TFB1M: variants seen among roughly 807,000 people sequenced by gnomAD.
TFB1M encodes the protein dimethyladenosine transferase 1, mitochondrial.
A neutral mutation model predicts 31.1 loss-of-function variants in TFB1M; 27 were observed. The observed-to-expected ratio is 0.87, with a 90% CI of 0.64 to 1.20. The LOEUF (loss-of-function observed/expected upper bound fraction) is 1.20. Ranked by LOEUF, TFB1M falls within the 50% of genes most tolerant of loss-of-function variation. The probability of loss-of-function intolerance (pLI) is 0.00; values close to 1 mark genes in which losing one functional copy is unlikely to be tolerated. For synonymous variants in TFB1M, 166 were observed against 151.8 expected, an observed-to-expected ratio of 1.09 and a Z score of -0.69; for missense variants, 394 against 418.7, an observed-to-expected ratio of 0.94 and a Z score of 0.51.
intron 5 of TFB1M, among the ~76,000 whole-genome samples, chr6:155,266,764 G>A (rs986082700): frequency 2.7e-5 from 4 of 149,588 alleles, no homozygotes; most frequent in South Asian, 2.1e-4. Flanking sequence ...GGAGAATGGC[G>A]TGAGCCTGGG....
chr6:155,248,594 AG>A, the TFB1M span, among the ~76,000 whole-genome samples: 4 of 152,250 alleles, frequency 2.6e-5, no homozygotes, highest in African/African-American at 9.6e-5. Context: ...TTGTTGGGTG[AG>A]GCTCCACCTT....
the TFB1M span, chr6:155,249,791 G>GT: frequency 7.0e-7 from 1 of 1,422,262 alleles, no homozygotes; most frequent in Non-Finnish European, 9.7e-7. Flanking sequence ...CATTATTACT[G>GT]TTGGATAGAA....
intron 2 of TFB1M, among the ~76,000 whole-genome samples, chr6:155,307,797 T>TA (rs1391403281): frequency 2.6e-5 from 4 of 151,362 alleles, no homozygotes; most frequent in East Asian, 1.9e-4. Context: ...CAGATGAGCT[T>TA]AAAAAAAATG....
At chr6:155,258,149 T>C in intron 6 of TFB1M, 67 bp from the exon 7 acceptor site, 1 of 1,577,866 alleles carries the variant, frequency 6.3e-7, no homozygotes, top group Non-Finnish European at 8.7e-7. Flanking sequence ...ATGACACTTT[T>C]TAACCCTCAT....
At chr6:155,241,345 GC>G in the TFB1M span, among the ~76,000 whole-genome samples, 1 of 152,188 alleles carries the variant, frequency 6.6e-6, no homozygotes, top group East Asian at 1.9e-4. Flanking sequence ...GTTTCCTGGA[GC>G]TTTGGTACCA....
At chr6:155,307,815 A>G (rs1777850396) in intron 2 of TFB1M, among the ~76,000 whole-genome samples, 1 of 152,026 alleles carries the variant, frequency 6.6e-6, no homozygotes, top group Non-Finnish European at 1.5e-5. Flanking sequence ...ATGCAAAACA[A>G]ATTTCATAAT....
At chr6:155,245,576 C>A in the TFB1M span, 1 of 1,465,274 alleles carries the variant, frequency 6.8e-7, no homozygotes, top group Non-Finnish European at 9.6e-7. Context: ...AGCCAGCACG[C>A]ATTGATTAAA....
At position 155,285,116 on chromosome 6, in the gene TFB1M, GTCCTAA is replaced by G. The variant is rs1367175469; in HGVS notation, c.666+36_666+41del. 1.3e-5 allele frequency: 21 copies of G among 1,611,304 alleles called. No homozygotes were observed. The Admixed American group carries it at 3.5e-4, about 27-fold the overall frequency. ...ATGACACATCCTCAGGGGAACAAAC[GTCCTAA>G]TTCCGATATACTACAACAAATAAGC... On this transcript the variant is annotated intron_variant, in intron 5 of 6. Transcript: ENST00000367166.
rs1165557788 is a variant in TFB1M, at chr6:155,311,232, G to A, written c.241C>T (p.Leu81Phe). 1.2e-6 allele frequency: 2 copies of A among 1,614,014 alleles called. No individual in the cohort carries two copies. The highest frequency in any genetic ancestry group is 1.7e-6 in the Non-Finnish European group (2 of 1,179,990). The change falls in exon 2 of 7, where the codon CTT becomes TTT. Residue 81 changes from leucine (L) to phenylalanine (F), a missense_variant. Physicochemically the swap from Leu to Phe is conservative, Grantham distance 22 (BLOSUM62 0). Around this residue, in one of 3 missense-constraint regions of TFB1M, gnomAD observed 273 missense variants for 256.4 expected, o/e 1.06. Coordinates refer to ENST00000367166, the MANE Select transcript of TFB1M (RefSeq NM_016020.4). ...CGAGTGTCCTTTTCAACCACCAGAA[G>A]TTCAGCGACGTCGGCATTAAGAATA... ...RSILNADVAE[L>F]LVVEKDTRFI...
chr6:155,257,739 T>C lies in TFB1M; in HGVS notation c.*97A>G. Reference sequence around the variant, plus strand: ...ATAAGTCACATCTGGTCATTGGCATTTGTATCGTCATTCTGTAAAGACAAA... The same window carrying C: ...ATAAGTCACATCTGGTCATTGGCATCTGTATCGTCATTCTGTAAAGACAAA... On this transcript the variant is annotated 3_prime_UTR_variant, in exon 7 of 7. Coordinates refer to ENST00000367166, the MANE Select transcript of TFB1M (RefSeq NM_016020.4). 2 of 1,461,822 alleles carry C rather than the reference T, an allele frequency of 1.4e-6. No individual in the cohort carries two copies. The allele number at this position is 1,461,822 out of a possible 1,614,324, so 90.6% of individuals were successfully genotyped here.
chr6:155,313,480 C>T (rs162982), intron 1 of TFB1M, among the ~76,000 whole-genome samples: 47,635 of 151,862 alleles, frequency 0.31, 8,192 homozygotes, highest in East Asian at 0.67. Flanking sequence ...CCTAAGTACT[C>T]CAGCCGTGAC....
chr6:155,300,801 T>G (rs963623813), intron 2 of TFB1M, among the ~76,000 whole-genome samples: 9 of 151,988 alleles, frequency 5.9e-5, no homozygotes, highest in Non-Finnish European at 1.2e-4. Flanking sequence ...TCTTTTTTGT[T>G]TTTGTTTTTT....
downstream of TFB1M, chr6:155,254,595 T>C: frequency 1.2e-6 from 2 of 1,604,650 alleles, no homozygotes; most frequent in Admixed American, 1.7e-5. Flanking sequence ...GCTAGCCTTG[T>C]GTTTATTCAA....
chr6:155,257,398 ATTAAG>A lies in TFB1M; in HGVS notation c.*433_*437del, dbSNP rs1447622479. 1 of 398,472 alleles carries A rather than the reference ATTAAG, an allele frequency of 2.5e-6. No individual in the cohort carries two copies. Among genetic ancestry groups the A allele is most frequent in the South Asian group, 3.1e-5 (1 of 32,458 alleles). The allele number at this position is 398,472 out of a possible 1,614,324, so 24.7% of individuals were successfully genotyped here. Reference sequence around the variant, plus strand: ...GGATCCTTAAAATTACATTCTAATAATTAAGTTATGTGGAAAAAGTAAGGCTGGGG... The same window carrying A: ...GGATCCTTAAAATTACATTCTAATAATTATGTGGAAAAAGTAAGGCTGGGG... On this transcript the variant is annotated 3_prime_UTR_variant, in exon 7 of 7. Coordinates refer to ENST00000367166, the MANE Select transcript of TFB1M (RefSeq NM_016020.4).
At chr6:155,248,815 A>T in the TFB1M span, among the ~76,000 whole-genome samples, 6 of 152,232 alleles carry the variant, frequency 3.9e-5, no homozygotes, top group African/African-American at 1.4e-4. Flanking sequence ...TGATTTGTTC[A>T]TATGTTGAAA....
At chr6:155,261,342 C>T (rs17813321) in intron 5 of TFB1M, among the ~76,000 whole-genome samples, 3,002 of 152,282 alleles carry the variant, frequency 0.02, 237 homozygotes, top group Admixed American at 0.15. Flanking sequence ...GAAGAAAGTA[C>T]GGCAATTTAG....
At chr6:155,298,975 T>C (rs983416124) in intron 2 of TFB1M, among the ~76,000 whole-genome samples, 5 of 152,220 alleles carry the variant, frequency 3.3e-5, no homozygotes. Flanking sequence ...ATATGAAAGA[T>C]AAGCTTAATT....
At chr6:155,259,607 G>A (rs1284445927) in intron 6 of TFB1M, among the ~76,000 whole-genome samples, 1 of 152,202 alleles carries the variant, frequency 6.6e-6, no homozygotes, top group Non-Finnish European at 1.5e-5. Flanking sequence ...TTTAAACAGC[G>A]GACTATGGAT....
Position 155,285,251 on chromosome 6 carries a change from T to C in TFB1M, c.573A>G (p.Lys191=), listed in dbSNP as rs767440207. ...AERLAANTGS[K]QRSRLSVMAQ... ...CCATAACAGAGAGGCGACTACGCTG[T>C]TTGCTTCCTGTATTGGCTGCAAGTC... Residue 191 remains lysine (K), a synonymous_variant, in exon 5 of 7, where the codon AAA becomes AAG. Coordinates refer to ENST00000367166, the MANE Select transcript of TFB1M (RefSeq NM_016020.4). 2.5e-6 allele frequency: 4 copies of C among 1,614,050 alleles called. No homozygotes were observed. In the South Asian group the frequency reaches 4.4e-5, roughly 18 times the overall value.
Sources: allele counts gnomAD v4.1 joint callset (sites outside exome capture counted in the v4.1 genomes callset), GRCh38; gene constraint gnomAD v4.1.1; regional missense constraint gnomAD v4.1.1; transcripts MANE v1.5; gene names NCBI Gene and HGNC (gene_info 2026-07-23, HGNC 2026-07-21).